The following RNF145 variants were observed in gnomAD, a reference collection of about 807,000 sequenced individuals.
RNF145 encodes ring finger protein 145.
A neutral mutation model predicts 57.3 loss-of-function variants in RNF145; 12 were observed. The observed-to-expected ratio is 0.21, with a 90% CI of 0.13 to 0.34. The LOEUF (loss-of-function observed/expected upper bound fraction) is 0.34. Among genes scored for constraint, RNF145 ranks in the 10% least tolerant of loss-of-function variants. The pLI is 1.00. For synonymous variants in RNF145, 262 were observed against 288.3 expected (o/e 0.91, Z 0.92); for missense variants, 429 against 799.0 (o/e 0.54, Z 5.58).
At chr5:159,179,975 T>C (rs1363002671) in intron 4 of RNF145, among the ~76,000 whole-genome samples, 1 of 152,144 alleles carries the variant, frequency 6.6e-6, no homozygotes, top group Non-Finnish European at 1.5e-5. Flanking sequence ...TTTTTACCTT[T>C]ATGCTTTAAG....
intron 4 of RNF145, among the ~76,000 whole-genome samples, chr5:159,178,083 A>AT (rs375495852): frequency 3.3e-5 from 5 of 151,636 alleles, no homozygotes; most frequent in Admixed American, 2.0e-4. Context: ...TAGTCAAACC[A>AT]TTTTTTTTCT....
Position 159,192,181 on chromosome 5 carries a change from G to T in RNF145, c.293+2535C>A, listed in dbSNP as rs190613751. Reference sequence around the variant, plus strand: ...TTAGGTATTATAATAATCCAGAGATGAATTAAAGTACATGGAAGGGAGTGT... The same window carrying T: ...TTAGGTATTATAATAATCCAGAGATTAATTAAAGTACATGGAAGGGAGTGT... On this transcript the variant is annotated intron_variant, in intron 3 of 10. Transcript: ENST00000424310. Among the ~76,000 whole-genome samples, 176 of 152,240 alleles carry T rather than the reference G, an allele frequency of 1.2e-3. 1 individual carries two copies. Among genetic ancestry groups the T allele is most frequent in the African/African-American group, 4.0e-3 (166 of 41,548 alleles).
intron 1 of RNF145, chr5:159,207,728 C>T (rs979556530): frequency 6.2e-7 from 1 of 1,613,946 alleles, no homozygotes; most frequent in Non-Finnish European, 8.5e-7. Context: ...CCCACTCCCA[C>T]TCCTTGCTAG....
chr5:159,204,847 G>A lies in RNF145; in HGVS notation c.-39-1191C>T, dbSNP rs1004976562. ...AAAAAAGCAAACAAAAGTGGGTAAA[G>A]AACAATTTAAAGAGTAAAGATAATT... On this transcript the variant is annotated intron_variant, in intron 1 of 10. Coordinates refer to ENST00000424310, the MANE Select transcript of RNF145 (RefSeq NM_001199383.2). 3.9e-4 allele frequency among the ~76,000 whole-genome samples: 48 copies of A among 123,758 alleles called. 1 individual carries two copies. Among genetic ancestry groups the A allele is most frequent in the Middle Eastern group, 4.2e-3 (1 of 238 alleles). 81.2% of individuals were successfully genotyped at this position (123,758 alleles called of 152,430 possible).
At chr5:159,168,836 CAT>C (rs1317532632) in intron 8 of RNF145, 35 bp downstream of exon 8, 6 of 1,318,224 alleles carry the variant, frequency 4.6e-6, no homozygotes, top group Admixed American at 5.4e-5. Context: ...AAGAATATTA[CAT>C]GAGTTAATTT....
chr5:159,188,391 C>T (rs1785163289), intron 3 of RNF145, among the ~76,000 whole-genome samples: 1 of 147,736 alleles, frequency 6.8e-6, no homozygotes, highest in African/African-American at 2.5e-5. Context: ...AAGACTCTGT[C>T]TCAAAAAAAA....
Position 159,209,431 on chromosome 5 carries a change from CG to C in RNF145, c.-241del, listed in dbSNP as rs1786025956. The C allele has an allele frequency of 1.0e-6, 1 of 984,660 alleles. No homozygotes were observed. The highest frequency in any genetic ancestry group is 1.2e-6 in the Non-Finnish European group (1 of 828,900). 61.0% of individuals were successfully genotyped at this position (984,660 alleles called of 1,614,324 possible). ...GGAGGCAGCGGCAGCGGCAGCGGCCCGGCCCGTACGGTCACCATCGTCCGCG... is the reference window on the plus strand; with the variant it reads ...GGAGGCAGCGGCAGCGGCAGCGGCCCGCCCGTACGGTCACCATCGTCCGCG... On this transcript the variant is annotated 5_prime_UTR_variant, in exon 1 of 11. The change abolishes the stop of an existing upstream ORF in the 5' untranslated region. Coordinates refer to ENST00000424310, the MANE Select transcript of RNF145 (RefSeq NM_001199383.2).
chr5:159,169,141 T>C, intron 7 of RNF145, 86 bp from the exon 8 acceptor site: 1 of 1,060,186 alleles, frequency 9.4e-7, no homozygotes, highest in Non-Finnish European at 1.3e-6. Context: ...AGGCTTAGAC[T>C]CTTGTTACAT....
intron 1 of RNF145, among the ~76,000 whole-genome samples, chr5:159,204,683 A>G (rs1222494652): frequency 6.6e-6 from 1 of 151,774 alleles, no homozygotes; most frequent in Non-Finnish European, 1.5e-5. Context: ...GCACACCTGT[A>G]GTCCCAGCTA....
intron 3 of RNF145, among the ~76,000 whole-genome samples, chr5:159,191,910 A>G (rs980611630): frequency 1.3e-5 from 2 of 152,166 alleles, no homozygotes; most frequent in African/African-American, 4.8e-5. Context: ...TTTACCTCTG[A>G]AACTACTTAG....
intron 10 of RNF145, among the ~76,000 whole-genome samples, chr5:159,160,286 C>T (rs1053687767): frequency 6.6e-6 from 1 of 152,034 alleles, no homozygotes; most frequent in Non-Finnish European, 1.5e-5. Context: ...AATGCAAAAC[C>T]GCCTGGAGAA....
Position 159,208,069 on chromosome 5 carries a change from C to A in RNF145, c.-40+1162G>T, listed in dbSNP as rs546508375. The A allele has an allele frequency of 2.7e-5, 40 of 1,488,526 alleles. No individual in the cohort carries two copies. The Admixed American group carries it at 9.0e-4, about 33-fold the overall frequency. The allele number at this position is 1,488,526 out of a possible 1,614,324, so 92.2% of individuals were successfully genotyped here. A position where few individuals can be genotyped will look rare whatever the true frequency, so the allele number is the denominator to read the frequency against. ...ACTGCAGACTGCGACGCAAGGCCATCCACTAATCTTTGATGCCTGCTCACT... is the reference window on the plus strand; with the variant it reads ...ACTGCAGACTGCGACGCAAGGCCATACACTAATCTTTGATGCCTGCTCACT... On this transcript the variant is annotated intron_variant, in intron 1 of 10. Transcript: ENST00000424310.
intron 3 of RNF145, among the ~76,000 whole-genome samples, chr5:159,184,230 T>C (rs1200953783): frequency 1.3e-5 from 2 of 152,256 alleles, no homozygotes; most frequent in African/African-American, 2.4e-5. Flanking sequence ...CTGAGACATT[T>C]GTTAATTGTT....
At chr5:159,182,099 C>T (rs368084104) in intron 3 of RNF145, 48 bp from the exon 4 acceptor site, 31 of 1,149,266 alleles carry the variant, frequency 2.7e-5, no homozygotes, top group South Asian at 5.2e-5. Context: ...ACATTCCTAG[C>T]GGAATCACAA....
At chr5:159,172,459 G>A (rs952853522) in intron 6 of RNF145, among the ~76,000 whole-genome samples, 3 of 151,544 alleles carry the variant, frequency 2.0e-5, no homozygotes, top group African/African-American at 4.9e-5. Flanking sequence ...CCAGCTGGGC[G>A]ACGGAGCCAG....
chr5:159,162,403 C>T (rs1460593481), intron 9 of RNF145, among the ~76,000 whole-genome samples: 2 of 149,638 alleles, frequency 1.3e-5, no homozygotes, highest in Non-Finnish European at 3.0e-5. Context: ...ACAGTGACAT[C>T]AATAGGTTTA....
intron 3 of RNF145, among the ~76,000 whole-genome samples, chr5:159,186,116 T>C (rs1010964165): frequency 3.9e-5 from 6 of 151,980 alleles, no homozygotes; most frequent in African/African-American, 1.5e-4. Context: ...TCCCGGCTAC[T>C]TGGGAGGCTG....
chr5:159,191,387 C>T (rs1785284605), intron 3 of RNF145, among the ~76,000 whole-genome samples: 2 of 152,054 alleles, frequency 1.3e-5, no homozygotes, highest in Admixed American at 1.3e-4. Flanking sequence ...AGCTGTTTGC[C>T]TACTTCCTTT....
At chr5:159,162,402 T>C (rs1465611851) in intron 9 of RNF145, among the ~76,000 whole-genome samples, 1 of 150,712 alleles carries the variant, frequency 6.6e-6, no homozygotes, top group Non-Finnish European at 1.5e-5. Flanking sequence ...TACAGTGACA[T>C]CAATAGGTTT....
Sources: gnomAD v4.1 joint callset for allele counts (sites outside exome capture counted in the v4.1 genomes callset) on GRCh38, gnomAD v4.1.1 for gene constraint, MANE v1.5 for transcripts, NCBI Gene and HGNC (gene_info 2026-07-23, HGNC 2026-07-21) for gene names.